Variants in CADM2 observed in about 807,000 individuals in gnomAD.
CADM2 encodes the protein immunoglobulin superfamily member 4D.
Under a neutral mutation model 49.8 loss-of-function variants are expected in CADM2, and 12 were observed. The ratio of observed to expected loss-of-function variants is 0.24; its 90% confidence interval spans 0.15 to 0.39. The LOEUF is 0.39. Ranked by LOEUF, CADM2 falls within the 10% of genes least tolerant of loss-of-function variation. The pLI is 1.00. For missense variants in CADM2, 378 were observed against 492.3 expected, an observed-to-expected ratio of 0.77 and a Z score of 2.20; for synonymous variants, 214 against 175.4, an observed-to-expected ratio of 1.22 and a Z score of -1.74.
At chr3:85,925,053 T>C (rs1333496639) in intron 6 of CADM2, among the ~76,000 whole-genome samples, 1 of 152,200 alleles carries the variant, frequency 6.6e-6, no homozygotes, top group Non-Finnish European at 1.5e-5. Context: ...TCTTTCCCTC[T>C]AGAAAATTTC....
chr3:85,524,473 C>A (rs1465827098), intron 1 of CADM2, among the ~76,000 whole-genome samples: 2 of 152,008 alleles, frequency 1.3e-5, no homozygotes, highest in East Asian at 3.9e-4. Flanking sequence ...AAAAAACTTT[C>A]TGCCATTGTT....
chr3:85,411,536 A>G (rs985805279), intron 1 of CADM2, among the ~76,000 whole-genome samples: 5 of 152,206 alleles, frequency 3.3e-5, no homozygotes, highest in Non-Finnish European at 5.9e-5. Context: ...GATTAGTATT[A>G]AAATATCTTT....
At chr3:85,091,940 T>C (rs2037612684) in intron 1 of CADM2, among the ~76,000 whole-genome samples, 1 of 152,168 alleles carries the variant, frequency 6.6e-6, no homozygotes, top group African/African-American at 2.4e-5. Context: ...AGAAAAGTTG[T>C]AGCAATTGAA....
chr3:85,225,640 CA>C (rs2042141157), intron 1 of CADM2, among the ~76,000 whole-genome samples: 2 of 152,070 alleles, frequency 1.3e-5, no homozygotes, highest in Admixed American at 1.3e-4. Flanking sequence ...ATACTATATT[CA>C]ATAGGAATGG....
At chr3:85,206,419 T>C (rs1163409081) in intron 1 of CADM2, among the ~76,000 whole-genome samples, 1 of 151,112 alleles carries the variant, frequency 6.6e-6, no homozygotes, top group Admixed American at 6.6e-5. Context: ...ACCATTCTCC[T>C]GCCTCAGCCT....
At chr3:85,498,274 T>C (rs2039985859) in intron 1 of CADM2, among the ~76,000 whole-genome samples, 1 of 151,864 alleles carries the variant, frequency 6.6e-6, no homozygotes, top group Non-Finnish European at 1.5e-5. Flanking sequence ...GTGTTCCTAC[T>C]TGAAAGAAGG....
intron 3 of CADM2, among the ~76,000 whole-genome samples, chr3:85,827,413 G>A (rs2073968887): frequency 6.6e-6 from 1 of 151,850 alleles, no homozygotes; most frequent in South Asian, 2.1e-4. Context: ...TATACACTGT[G>A]TTGCATAGCG....
intron 1 of CADM2, among the ~76,000 whole-genome samples, chr3:85,484,266 A>G (rs547578183): frequency 6.6e-6 from 1 of 151,864 alleles, no homozygotes; most frequent in Non-Finnish European, 1.5e-5. Flanking sequence ...CAGCATTGAA[A>G]CTTTCTGGGG....
intron 1 of CADM2, among the ~76,000 whole-genome samples, chr3:85,311,299 A>G (rs1200791252): frequency 6.6e-6 from 1 of 151,852 alleles, no homozygotes; most frequent in Non-Finnish European, 1.5e-5. Context: ...AAACTGAAAT[A>G]ATAAACATGC....
At chr3:85,578,633 C>G (rs1325767632) in intron 1 of CADM2, among the ~76,000 whole-genome samples, 30 of 152,182 alleles carry the variant, frequency 2.0e-4, no homozygotes, top group Admixed American at 2.0e-3. Context: ...TGATACTTTG[C>G]AAAGGAATGT....
intron 1 of CADM2, among the ~76,000 whole-genome samples, chr3:85,180,480 GC>G (rs2107703007): frequency 7.5e-6 from 1 of 133,214 alleles, no homozygotes; most frequent in Admixed American, 8.7e-5. Context: ...CTGCACTGCA[GC>G]CTGGATGAAA....
chr3:85,955,802 C>T (rs922229293), intron 7 of CADM2, among the ~76,000 whole-genome samples: 3 of 151,260 alleles, frequency 2.0e-5, no homozygotes, highest in South Asian at 2.1e-4. Flanking sequence ...AACAAAACAC[C>T]GAGTTAATAG....
At chr3:85,290,661 AC>A (rs2043765158) in intron 1 of CADM2, among the ~76,000 whole-genome samples, 1 of 152,068 alleles carries the variant, frequency 6.6e-6, no homozygotes, top group Non-Finnish European at 1.5e-5. Context: ...ACTGGGAGGC[AC>A]CCCCAGCAGG....
At chr3:85,852,555 ATT>A (rs2075149295) in intron 3 of CADM2, among the ~76,000 whole-genome samples, 2 of 152,100 alleles carry the variant, frequency 1.3e-5, no homozygotes, top group Admixed American at 6.5e-5. Context: ...ATTTTTAAAC[ATT>A]TAACAGGAAA....
intron 8 of CADM2, among the ~76,000 whole-genome samples, chr3:86,064,589 T>C (rs929430014): frequency 1.3e-5 from 2 of 152,094 alleles, no homozygotes; most frequent in Non-Finnish European, 2.9e-5. Context: ...GATGGCTGGG[T>C]CAAATGGTAT....
At chr3:85,575,703 A>C (rs2062612687) in intron 1 of CADM2, among the ~76,000 whole-genome samples, 1 of 152,244 alleles carries the variant, frequency 6.6e-6, no homozygotes, top group South Asian at 2.1e-4. Flanking sequence ...GTTCTTTCAC[A>C]AAAAGTATGT....
chr3:85,257,648 G>T (rs2042918716), intron 1 of CADM2, among the ~76,000 whole-genome samples: 1 of 151,954 alleles, frequency 6.6e-6, no homozygotes, highest in African/African-American at 2.4e-5. Context: ...TGTTCCCCTG[G>T]CTGGCCCAGG....
At chr3:85,181,762 A>G (rs759120604) in intron 1 of CADM2, among the ~76,000 whole-genome samples, 5 of 151,412 alleles carry the variant, frequency 3.3e-5, no homozygotes, top group Non-Finnish European at 4.4e-5. Flanking sequence ...TTATTTAACA[A>G]TAATTTCCCT....
chr3:85,107,587 T>TCTTTC (rs61582853), intron 1 of CADM2, among the ~76,000 whole-genome samples: 4 of 150,308 alleles, frequency 2.7e-5, no homozygotes, highest in Non-Finnish European at 4.4e-5. Context: ...TTTCTTTCTT[T>TCTTTC]TCTTTCTTTC....
Sources: gnomAD v4.1 joint callset for allele counts (sites outside exome capture counted in the v4.1 genomes callset) on GRCh38, gnomAD v4.1.1 for gene constraint, MANE v1.5 for transcripts, NCBI Gene and HGNC (gene_info 2026-07-23, HGNC 2026-07-21) for gene names.